Variants in ROGDI observed in about 807,000 individuals in gnomAD.
ROGDI encodes the protein protein rogdi homolog.
ROGDI carries 46 observed loss-of-function variants against 43.1 expected under a neutral mutation model. That is an observed-to-expected ratio of 1.07 (90% CI 0.84 to 1.37). ROGDI has a LOEUF of 1.37. Ranked by LOEUF, ROGDI falls within the 40% of genes most tolerant of loss-of-function variation. ROGDI has a pLI of 0.00. For synonymous variants in ROGDI, 243 were observed against 162.0 expected, an observed-to-expected ratio of 1.50 and a Z score of -3.80; for missense variants, 518 against 383.9, an observed-to-expected ratio of 1.35 and a Z score of -2.92.
At chr16:4,799,611 G>C in intron 6 of ROGDI, 75 bp downstream of exon 6, 3 of 1,131,782 alleles carry the variant, frequency 2.7e-6, no homozygotes, top group Non-Finnish European at 3.9e-6. Context: ...GGAGGCCCTG[G>C]GATTGGAACC....
intron 4 of ROGDI, chr16:4,800,823 G>GGGAAGA: frequency 1.8e-6 from 1 of 568,424 alleles, no homozygotes; most frequent in Non-Finnish European, 3.1e-6. Flanking sequence ...AAAGGGGAAG[G>GGGAAGA]GGAAGAGGAA....
At chr16:4,799,827 G>C in intron 5 of ROGDI, 46 bp from the exon 6 acceptor site, 1 of 1,382,334 alleles carries the variant, frequency 7.2e-7, no homozygotes, top group Non-Finnish European at 1.0e-6. Flanking sequence ...CTTCCATGCG[G>C]CCAGGAGGGG....
chr16:4,800,590 G>GAGTGGGGTGAGCTGGGC lies in ROGDI; in HGVS notation c.256-29_256-13dup, dbSNP rs1378572811. 2 of 1,557,634 alleles carry GAGTGGGGTGAGCTGGGC rather than the reference G, an allele frequency of 1.3e-6. No individual in the cohort carries two copies. Among genetic ancestry groups the GAGTGGGGTGAGCTGGGC allele is most frequent in the African/African-American group, 2.7e-5 (2 of 73,540 alleles). On this transcript the variant is annotated splice_polypyrimidine_tract_variant and intron_variant, in intron 4 of 10. Coordinates refer to ENST00000322048, the MANE Select transcript of ROGDI (RefSeq NM_024589.3). ...TTCAGGTTCACATCCTGACAGGCAA[G>GAGTGGGGTGAGCTGGGC]AGTGGGGTGAGCTGGGCAGTGGGGG...
rs1380651901 is a variant in ROGDI, at chr16:4,801,039, C to T, written c.255+228G>A. 4 of 512,906 alleles carry T rather than the reference C, an allele frequency of 7.8e-6. No individual in the cohort carries two copies. The Admixed American group carries it at 1.4e-4, about 18-fold the overall frequency. 31.8% of individuals were successfully genotyped at this position (512,906 alleles called of 1,614,324 possible). A position where few individuals can be genotyped will look rare whatever the true frequency, so the allele number is the denominator to read the frequency against. The stretch of plus-strand genomic sequence containing the variant: ...TGCCCATGTTTCACTGGTCCGGACG[C>T]CAGGCCAGGCCGTGTGCAAAGAACC... On this transcript the variant is annotated intron_variant, in intron 4 of 10. Coordinates refer to ENST00000322048, the MANE Select transcript of ROGDI (RefSeq NM_024589.3).
intron 5 of ROGDI, 107 bp from the exon 6 acceptor site, chr16:4,799,888 A>C: frequency 2.6e-6 from 2 of 784,242 alleles, no homozygotes. Flanking sequence ...CCACACTGTC[A>C]TCCCTGTGCC....
chr16:4,800,612 G>C, intron 4 of ROGDI, 34 bp from the exon 5 acceptor site: 3 of 1,507,218 alleles, frequency 2.0e-6, no homozygotes, highest in Non-Finnish European at 2.7e-6. Context: ...CTGGGCAGTG[G>C]GGGGGCACCT....
chr16:4,802,596 C>T lies in ROGDI; in HGVS notation c.-25G>A, dbSNP rs2082748564. 1 of 1,304,098 alleles carries T rather than the reference C, an allele frequency of 7.7e-7. No individual in the cohort carries two copies. The highest frequency in any genetic ancestry group is 9.8e-7 in the Non-Finnish European group (1 of 1,023,178). The allele number at this position is 1,304,098 out of a possible 1,614,324, so 80.8% of individuals were successfully genotyped here. On this transcript the variant is annotated 5_prime_UTR_variant, in exon 1 of 11. Transcript: ENST00000322048. The stretch of plus-strand genomic sequence containing the variant: ...TGGCCGCAGGCCGCCGCCGAGCGCC[C>T]TCCCCACCGGCCGCTGCTCCTGTCC...
Position 4,798,143 on chromosome 16 carries a change from G to A in ROGDI, c.573C>T (p.Asn191=), listed in dbSNP as rs780108056. The part of the protein sequence containing the change: ...APALPSDLLV[N]VYINLNKLCL... ...AGAGCTTGTTGAGGTTGATGTAGACGTTGACCAGCAGGTCGGACGGCAGGG... is the reference window on the plus strand; with the variant it reads ...AGAGCTTGTTGAGGTTGATGTAGACATTGACCAGCAGGTCGGACGGCAGGG... Residue 191 remains asparagine, a synonymous_variant, in exon 8 of 11, where the codon AAC becomes AAT. Transcript: ENST00000322048. 7.8e-5 allele frequency: 126 copies of A among 1,613,930 alleles called. 1 individual carries two copies. The highest frequency in any genetic ancestry group is 2.5e-4 in the South Asian group (23 of 91,094).
In ROGDI at chr16:4,797,926, C is replaced by T. The variant is rs746818115; in HGVS notation, c.695+12G>A. The T allele has an allele frequency of 4.4e-6, 7 of 1,599,094 alleles. No homozygotes were observed. The highest frequency in any genetic ancestry group is 1.1e-5 in the South Asian group (1 of 90,020). ...GTGGGCGTGCCTGGACCCCCCGCCC[C>T]TGCCTACTTACAACATGGCCCCAGG... On this transcript the variant is annotated intron_variant, in intron 9 of 10. Coordinates refer to ENST00000322048, the MANE Select transcript of ROGDI (RefSeq NM_024589.3).
At chr16:4,800,933 G>A (rs1428634082) in intron 4 of ROGDI, 2 of 508,354 alleles carry the variant, frequency 3.9e-6, no homozygotes, top group South Asian at 2.8e-5. Context: ...ACGCCTTGGT[G>A]CCTGGCACAG....
At chr16:4,798,871 C>T (rs951774989) in intron 6 of ROGDI, 45 of 571,002 alleles carry the variant, frequency 7.9e-5, no homozygotes, top group Middle Eastern at 2.8e-4. Context: ...TAATGTCAGT[C>T]GGGATGGGGC....
At position 4,801,187 on chromosome 16, in the gene ROGDI, G is replaced by C. The variant is rs748512440; in HGVS notation, c.255+80C>G. ...TCAAGGGTCCCGCCCAGAGTCGCAG[G>C]GCTTGTACAGAGAGAAAGTGGGAGC... On this transcript the variant is annotated intron_variant, in intron 4 of 10. Coordinates refer to ENST00000322048, the MANE Select transcript of ROGDI (RefSeq NM_024589.3). 1.8e-5 allele frequency: 22 copies of C among 1,251,364 alleles called. No individual in the cohort carries two copies. The East Asian group carries it at 4.0e-4, about 23-fold the overall frequency. 77.5% of individuals were successfully genotyped at this position (1,251,364 alleles called of 1,614,324 possible).
Position 4,797,058 on chromosome 16 carries a change from T to C in ROGDI, c.*402A>G, listed in dbSNP as rs544857108. 1 of 222,504 alleles carries C rather than the reference T, an allele frequency of 4.5e-6. No individual in the cohort carries two copies. The highest frequency in any genetic ancestry group is 1.1e-4 in the East Asian group (1 of 9,170). 13.8% of individuals were successfully genotyped at this position (222,504 alleles called of 1,614,324 possible). A position where few individuals can be genotyped will look rare whatever the true frequency, so the allele number is the denominator to read the frequency against. On this transcript the variant is annotated 3_prime_UTR_variant, in exon 11 of 11. Coordinates refer to ENST00000322048, the MANE Select transcript of ROGDI (RefSeq NM_024589.3). ...ACTATACTCACTCCTAGGGTGGCTC[T>C]GTCTGTGGCGTTCCTCACCATCCCC...
Position 4,801,592 on chromosome 16 carries a change from A to G in ROGDI, c.118-7T>C. On this transcript the variant is annotated splice_region_variant and splice_polypyrimidine_tract_variant and intron_variant, in intron 2 of 10. Transcript: ENST00000322048. ...TGAAGCGCAGAGAGGCCTCCTGTGG[A>G]ACAGAGGGAAGGAGGGGAGCTGGTA... The G allele has an allele frequency of 6.3e-7, 1 of 1,590,306 alleles. No individual in the cohort carries two copies. Among genetic ancestry groups the G allele is most frequent in the African/African-American group, 1.3e-5 (1 of 74,764 alleles).
rs2082717569 is a variant in ROGDI at position 4,801,491 on chromosome 16, G to A, written c.200+12C>T. 6.3e-7 allele frequency: 1 copy of A among 1,598,782 alleles called. No individual in the cohort carries two copies. Among genetic ancestry groups the A allele is most frequent in the Non-Finnish European group, 8.5e-7 (1 of 1,172,450 alleles). ...TACCCATTTCCCCGGTTTCCGCCTA[G>A]CCCAGGCTCACCCACAGCTGCCTAG... is the stretch of plus-strand genomic sequence containing the variant. On this transcript the variant is annotated intron_variant, in intron 3 of 10. Transcript: ENST00000322048.
intron 6 of ROGDI, 83 bp downstream of exon 6, chr16:4,799,603 A>T: frequency 1.0e-6 from 1 of 985,220 alleles, no homozygotes; most frequent in Non-Finnish European, 1.6e-6. Flanking sequence ...CTCAACGTGG[A>T]GGCCCTGGGA....
chr16:4,798,494 G>A (rs1303935227), intron 7 of ROGDI, 75 bp downstream of exon 7: 9 of 1,182,978 alleles, frequency 7.6e-6, no homozygotes, highest in Admixed American at 2.7e-5. Flanking sequence ...GCACCCCTCC[G>A]CGTCCATCCT....
rs1389161568 is a variant in ROGDI at position 4,798,618 on chromosome 16, G to A, written c.482C>T (p.Thr161Ile). 2 of 1,574,750 alleles carry A rather than the reference G, an allele frequency of 1.3e-6. No individual in the cohort carries two copies. The highest frequency in any genetic ancestry group is 1.2e-5 in the South Asian group (1 of 86,126). ...LQLTRARNRL[T>I]TPATLTLPEI... Reference sequence around the variant, plus strand: ...GGGGAGGGTGAGGGTGGCGGGGGTGGTGAGCCGGTTTCGGGCTCTGGTCAG... The same window carrying A: ...GGGGAGGGTGAGGGTGGCGGGGGTGATGAGCCGGTTTCGGGCTCTGGTCAG... The change falls in exon 7 of 11, where the codon ACC becomes ATC. Residue 161 changes from threonine (T) to isoleucine (I), a missense_variant. By Grantham distance (89) the Thr-to-Ile change is moderately conservative. Transcript: ENST00000322048.
intron 4 of ROGDI, chr16:4,801,005 A>G (rs1311774324): frequency 3.3e-5 from 17 of 510,616 alleles, no homozygotes; most frequent in Non-Finnish European, 4.5e-5. Context: ...GGCCAGCCTA[A>G]TCCACCAATG....
Sources: allele counts gnomAD v4.1 joint callset, GRCh38; gene constraint gnomAD v4.1.1; transcripts MANE v1.5; gene names NCBI Gene and HGNC (gene_info 2026-07-23, HGNC 2026-07-21).